The following ARNT2 variants were observed in gnomAD, a reference collection of about 807,000 sequenced individuals.
ARNT2 encodes the protein aryl hydrocarbon receptor nuclear translocator 2, also known as ARNT protein 2.
In ARNT2, 36 loss-of-function variants were observed where a neutral mutation model predicts 91.7. The ratio of observed to expected loss-of-function variants is 0.39; its 90% CI spans 0.30 to 0.52. The LOEUF (loss-of-function observed/expected upper bound fraction) is 0.52, where lower values mean the gene tolerates loss of function less well. Among genes scored for constraint, ARNT2 ranks in the 20% least tolerant of loss-of-function variants. The pLI, the probability that ARNT2 is intolerant of heterozygous loss-of-function variation, is 0.72. For synonymous variants in ARNT2, 365 were observed against 347.1 expected, an observed-to-expected ratio of 1.05 and a Z score of -0.57; for missense variants, 775 against 939.3, an observed-to-expected ratio of 0.83 and a Z score of 2.29.
intron 15 of ARNT2, among the ~76,000 whole-genome samples, chr15:80,578,505 G>A (rs942542569): frequency 6.6e-6 from 1 of 151,592 alleles, no homozygotes; most frequent in Non-Finnish European, 1.5e-5. Flanking sequence ...TGGGGACCAT[G>A]CTGAGGAGGA....
At chr15:80,508,119 G>T (rs1053304414) in intron 5 of ARNT2, 37 bp from the exon 6 acceptor site, 1 of 1,606,950 alleles carries the variant, frequency 6.2e-7, no homozygotes, top group Non-Finnish European at 8.5e-7. Context: ...CCAACCGAAG[G>T]CAGAGGCTTA....
At chr15:80,496,574 C>T (rs1897128360) in intron 5 of ARNT2, among the ~76,000 whole-genome samples, 2 of 152,198 alleles carry the variant, frequency 1.3e-5, no homozygotes, top group Non-Finnish European at 2.9e-5. Flanking sequence ...TGCCTGTCAC[C>T]AGCCTTTCCC....
chr15:80,492,198 G>A (rs1305060647), intron 5 of ARNT2, among the ~76,000 whole-genome samples: 15 of 152,118 alleles, frequency 9.9e-5, no homozygotes, highest in Non-Finnish European at 1.3e-4. Context: ...GCGCCACCAC[G>A]TCTGGCTAAT....
At chr15:80,566,231 T>G (rs11629832) in intron 12 of ARNT2, among the ~76,000 whole-genome samples, 1 of 151,098 alleles carries the variant, frequency 6.6e-6, no homozygotes, top group African/African-American at 2.5e-5. Context: ...TGTTTGGTCT[T>G]CTAAATGCCC....
intron 1 of ARNT2, among the ~76,000 whole-genome samples, chr15:80,427,602 C>T (rs955971671): frequency 6.6e-6 from 1 of 152,132 alleles, no homozygotes; most frequent in African/African-American, 2.4e-5. Flanking sequence ...TGTGAAATCT[C>T]TAGGTACACC....
intron 8 of ARNT2, among the ~76,000 whole-genome samples, chr15:80,550,179 G>T (rs113174733): frequency 0.016 from 2,414 of 152,328 alleles, 23 homozygotes; most frequent in East Asian, 0.065. Context: ...TTGTGCAAAA[G>T]AAATGCAGTA....
rs1293620468 is a variant in ARNT2, at chr15:80,596,007, G to C, written c.*2309G>C. On this transcript the variant is annotated 3_prime_UTR_variant, in exon 19 of 19. Transcript: ENST00000303329. ...GTTTGGGGGGTCTTATGTTTGTTTT[G>C]CCTCTTCTGTTTCTTGGAGGAGAGT... 1.3e-5 allele frequency: 2 copies of C among 152,218 alleles called. No homozygotes were observed. Among genetic ancestry groups the C allele is most frequent in the Admixed American group, 6.5e-5 (1 of 15,286 alleles). The allele number at this position is 152,218 out of a possible 1,614,324, so 9.4% of individuals were successfully genotyped here. A position where few individuals can be genotyped will look rare whatever the true frequency, so the allele number is the denominator to read the frequency against.
At chr15:80,570,782 T>C (rs1348577067) in intron 12 of ARNT2, among the ~76,000 whole-genome samples, 1 of 152,226 alleles carries the variant, frequency 6.6e-6, no homozygotes, top group African/African-American at 2.4e-5. Context: ...CCCTGGAGAC[T>C]GTCAGTTCCA....
chr15:80,441,172 T>C, intron 1 of ARNT2: 1 of 973,198 alleles, frequency 1.0e-6, no homozygotes, highest in Non-Finnish European at 1.2e-6. Flanking sequence ...GCAAATAAAT[T>C]GATCAGTATG....
chr15:80,492,740 G>A (rs192037842), intron 5 of ARNT2, among the ~76,000 whole-genome samples: 89 of 151,980 alleles, frequency 5.9e-4, no homozygotes, highest in African/African-American at 2.1e-3. Flanking sequence ...AATTTCCAAA[G>A]GTTTCTTTTA....
chr15:80,516,855 A>ATATATATATATATATATATATC (rs1491249404), intron 8 of ARNT2, among the ~76,000 whole-genome samples: 1 of 142,654 alleles, frequency 7.0e-6, no homozygotes, highest in South Asian at 2.2e-4. Flanking sequence ...ATATATATAT[A>ATATATATATATATATATATATC]TCCATGTTCA....
intron 5 of ARNT2, among the ~76,000 whole-genome samples, chr15:80,502,074 C>T (rs1339139925): frequency 1.3e-5 from 2 of 152,164 alleles, no homozygotes; most frequent in Non-Finnish European, 2.9e-5. Flanking sequence ...ACAACTGGGT[C>T]CCTGAGCCAC....
intron 5 of ARNT2, among the ~76,000 whole-genome samples, chr15:80,494,386 C>A (rs1897097591): frequency 6.6e-6 from 1 of 152,202 alleles, no homozygotes; most frequent in Non-Finnish European, 1.5e-5. Context: ...GGTCTCCTGG[C>A]ATATACTGGG....
At chr15:80,577,014 A>G (rs910726592) in intron 15 of ARNT2, 49 bp downstream of exon 15, 1 of 1,570,726 alleles carries the variant, frequency 6.4e-7, no homozygotes, top group African/African-American at 1.4e-5. Flanking sequence ...CTCCCTCACC[A>G]AGAAAGCCCT....
chr15:80,424,221 G>T (rs1222290330), intron 1 of ARNT2, among the ~76,000 whole-genome samples: 1 of 152,224 alleles, frequency 6.6e-6, no homozygotes, highest in Non-Finnish European at 1.5e-5. Flanking sequence ...CGCAAGGACT[G>T]TGGGTGAGAG....
intron 8 of ARNT2, among the ~76,000 whole-genome samples, chr15:80,540,553 G>A (rs1284767639): frequency 6.6e-6 from 1 of 152,072 alleles, no homozygotes; most frequent in Non-Finnish European, 1.5e-5. Flanking sequence ...TATTGCCTGG[G>A]TATATTGCTG....
At chr15:80,551,056 G>A in intron 8 of ARNT2, 143 bp from the exon 9 acceptor site, 1 of 705,784 alleles carries the variant, frequency 1.4e-6, no homozygotes, top group Non-Finnish European at 2.5e-6. Flanking sequence ...GTGAGGAACT[G>A]GTTAATTCAT....
chr15:80,486,245 T>A (rs7181179), intron 5 of ARNT2, among the ~76,000 whole-genome samples: 2 of 152,164 alleles, frequency 1.3e-5, no homozygotes, highest in Non-Finnish European at 2.9e-5. Flanking sequence ...TCATTTTAAC[T>A]TGATTCTATC....
At chr15:80,471,744 A>G (rs1329706313) in intron 4 of ARNT2, among the ~76,000 whole-genome samples, 1 of 152,134 alleles carries the variant, frequency 6.6e-6, no homozygotes, top group East Asian at 1.9e-4. Flanking sequence ...GAGTCAGCAG[A>G]TTGCTCAGGG....
Sources: gnomAD v4.1 joint callset for allele counts (sites outside exome capture counted in the v4.1 genomes callset) on GRCh38, gnomAD v4.1.1 for gene constraint, MANE v1.5 for transcripts, NCBI Gene and HGNC (gene_info 2026-07-23, HGNC 2026-07-21) for gene names.